ATP8A2: variants seen among roughly 807,000 people sequenced by gnomAD.
The protein encoded by ATP8A2 is phospholipid-transporting ATPase IB.
A neutral mutation model predicts 165.6 loss-of-function variants in ATP8A2; 100 were observed. The observed-to-expected ratio is 0.60, with a 90% CI of 0.51 to 0.71. The LOEUF (loss-of-function observed/expected upper bound fraction) is 0.71. ATP8A2 is among the 30% of genes least tolerant of loss of function. ATP8A2 has a pLI of 0.00. For synonymous variants in ATP8A2, 543 were observed against 548.8 expected, an observed-to-expected ratio of 0.99 and a Z score of 0.15; for missense variants, 1,227 against 1,479.5, an observed-to-expected ratio of 0.83 and a Z score of 2.80.
chr13:25,520,600 T>C (rs544650341), intron 2 of ATP8A2, among the ~76,000 whole-genome samples: 1 of 146,822 alleles, frequency 6.8e-6, no homozygotes, highest in Non-Finnish European at 1.5e-5. Context: ...AGTTTTTTTT[T>C]TTTTTGTTTT....
intron 24 of ATP8A2, among the ~76,000 whole-genome samples, chr13:25,628,109 G>C (rs191430272): frequency 1.5e-4 from 23 of 152,254 alleles, no homozygotes; most frequent in Non-Finnish European, 2.5e-4. Context: ...TCAGATGTGT[G>C]GCTATGGTTC....
At chr13:25,875,946 A>G (rs905315688) in intron 33 of ATP8A2, among the ~76,000 whole-genome samples, 2 of 152,246 alleles carry the variant, frequency 1.3e-5, no homozygotes, top group African/African-American at 4.8e-5. Flanking sequence ...AGTGGGCCAC[A>G]GATGGCACTA....
Position 25,953,238 on chromosome 13 carries a change from C to T in ATP8A2, c.3184-8337C>T, listed in dbSNP as rs554859633. Among the ~76,000 whole-genome samples the T allele has an allele frequency of 2.7e-4, 41 of 152,168 alleles. No homozygotes were observed. Among genetic ancestry groups the T allele is most frequent in the Non-Finnish European group, 4.1e-4 (28 of 68,008 alleles). ...TTTTACTTACAATTTGAAGTTGGCA[C>T]TGGTGTTGCTGGGCCAACCAGCATC... On this transcript the variant is annotated intron_variant, in intron 33 of 36. Coordinates refer to ENST00000381655, the MANE Select transcript of ATP8A2 (RefSeq NM_016529.6). This position sits in a 1 kb window ranked among gnomAD's most constrained non-coding sequence, Gnocchi z 6.7.
At chr13:25,867,422 C>T (rs957322640) in intron 33 of ATP8A2, among the ~76,000 whole-genome samples, 2 of 152,084 alleles carry the variant, frequency 1.3e-5, no homozygotes, top group African/African-American at 2.4e-5. Context: ...GGGGTGATGT[C>T]AAGTAGGTGG....
intron 2 of ATP8A2, among the ~76,000 whole-genome samples, chr13:25,512,135 G>T (rs545404447): frequency 4.0e-4 from 60 of 151,510 alleles, no homozygotes; most frequent in African/African-American, 1.4e-3. Flanking sequence ...AGCACATCTT[G>T]CACCGCCCTT....
Position 25,427,450 on chromosome 13 carries a change from A to T in ATP8A2, c.77-41527A>T, listed in dbSNP as rs114704461. Among the ~76,000 whole-genome samples the T allele has an allele frequency of 6.2e-3, 946 of 152,226 alleles. 6 individuals carry two copies. The highest frequency in any genetic ancestry group is 0.021 in the African/African-American group (875 of 41,526). On this transcript the variant is annotated intron_variant, in intron 1 of 36. Transcript: ENST00000381655. ...ATAGAATAAGGTGCACAATAACTGTAATGTGCTTGAATCATCCTGAAACTA... is the reference window on the plus strand; with the variant it reads ...ATAGAATAAGGTGCACAATAACTGTTATGTGCTTGAATCATCCTGAAACTA...
chr13:25,866,732 A>G (rs1952518281), intron 33 of ATP8A2, among the ~76,000 whole-genome samples: 1 of 152,190 alleles, frequency 6.6e-6, no homozygotes, highest in Admixed American at 6.5e-5. Context: ...GCTTCAGTAA[A>G]TCTCCAGGTG....
intron 30 of ATP8A2, among the ~76,000 whole-genome samples, chr13:25,855,017 A>G (rs1952117134): frequency 6.6e-6 from 1 of 151,932 alleles, no homozygotes; most frequent in Non-Finnish European, 1.5e-5. Context: ...TTGGGAGGCT[A>G]AGGCAGGTGG....
intron 27 of ATP8A2, among the ~76,000 whole-genome samples, chr13:25,791,235 G>C (rs936362023): frequency 1.3e-5 from 2 of 152,070 alleles, no homozygotes; most frequent in African/African-American, 2.4e-5. Context: ...TCCTTTGCAA[G>C]ACCATGGATG....
chr13:25,928,999 C>T (rs1954690604), intron 33 of ATP8A2, among the ~76,000 whole-genome samples: 1 of 152,154 alleles, frequency 6.6e-6, no homozygotes, highest in Non-Finnish European at 1.5e-5. Context: ...TCTATCTTCT[C>T]TGTCTTTTTT....
chr13:25,446,294 GTATATT>G (rs2035066672), intron 1 of ATP8A2, among the ~76,000 whole-genome samples: 1 of 152,142 alleles, frequency 6.6e-6, no homozygotes. Context: ...CACAGAGAAT[GTATATT>G]TATGTTTACC....
At chr13:25,649,866 C>T (rs1480425075) in intron 24 of ATP8A2, among the ~76,000 whole-genome samples, 1 of 152,148 alleles carries the variant, frequency 6.6e-6, no homozygotes, top group Non-Finnish European at 1.5e-5. Context: ...ACACTGTTAG[C>T]TGGTACCTCT....
At chr13:25,686,602 TC>T in intron 24 of ATP8A2, among the ~76,000 whole-genome samples, 2 of 152,326 alleles carry the variant, frequency 1.3e-5, no homozygotes, top group African/African-American at 4.8e-5. Context: ...AACAGAGTTT[TC>T]TTGTGGAATC....
intron 26 of ATP8A2, among the ~76,000 whole-genome samples, chr13:25,771,657 C>T (rs2138303320): frequency 6.6e-6 from 1 of 152,316 alleles, no homozygotes; most frequent in East Asian, 1.9e-4. Context: ...GCCCCTCCAG[C>T]ATCATAGTCA....
intron 33 of ATP8A2, among the ~76,000 whole-genome samples, chr13:25,931,090 A>C (rs554638873): frequency 5.5e-4 from 83 of 152,260 alleles, no homozygotes; most frequent in Admixed American, 1.0e-3. Context: ...GAAAATCCAA[A>C]ATCTGAAGTG....
chr13:25,862,548 C>A, intron 33 of ATP8A2, 140 bp downstream of exon 33: 1 of 651,380 alleles, frequency 1.5e-6, no homozygotes, highest in South Asian at 1.9e-5. Flanking sequence ...CCATCAGAAT[C>A]TATCAGGAGA....
intron 24 of ATP8A2, among the ~76,000 whole-genome samples, chr13:25,642,210 A>G (rs548492474): frequency 2.6e-4 from 40 of 152,350 alleles, no homozygotes; most frequent in South Asian, 8.3e-4. Context: ...TCATGTCTAC[A>G]ACACCAAAAG....
intron 25 of ATP8A2, among the ~76,000 whole-genome samples, chr13:25,702,004 A>T (rs944986496): frequency 6.6e-6 from 1 of 151,758 alleles, no homozygotes; most frequent in Non-Finnish European, 1.5e-5. Context: ...TTAAGATTTT[A>T]AAAAAATCAA....
At chr13:25,818,287 T>C (rs1951079184) in intron 27 of ATP8A2, among the ~76,000 whole-genome samples, 1 of 152,182 alleles carries the variant, frequency 6.6e-6, no homozygotes, top group South Asian at 2.1e-4. Context: ...GGATAATTCA[T>C]AAATTTTTTG....
Sources: allele counts gnomAD v4.1 joint callset (sites outside exome capture counted in the v4.1 genomes callset), GRCh38; gene constraint gnomAD v4.1.1; non-coding constraint Gnocchi (gnomAD v3.1); transcripts MANE v1.5; gene names NCBI Gene and HGNC (gene_info 2026-07-23, HGNC 2026-07-21).